Variants in PLCB1 observed in about 807,000 individuals in gnomAD.
PLCB1 encodes phospholipase C beta 1, also known as 1-phosphatidylinositol 4,5-bisphosphate phosphodiesterase beta-1.
Under a neutral mutation model 161.8 loss-of-function variants are expected in PLCB1, and 46 were observed. That is an observed-to-expected ratio of 0.28 (90% CI 0.22 to 0.36). The LOEUF (loss-of-function observed/expected upper bound fraction) is 0.36, where lower values mean the gene tolerates loss of function less well. PLCB1 is among the 10% of genes least tolerant of loss of function. The probability of loss-of-function intolerance (pLI) is 1.00; values close to 1 mark genes in which losing one functional copy is unlikely to be tolerated. For synonymous variants in PLCB1, 517 were observed against 503.7 expected, an observed-to-expected ratio of 1.03 and a Z score of -0.35; for missense variants, 1,016 against 1,472.5, an observed-to-expected ratio of 0.69 and a Z score of 5.07.
chr20:8,237,793 C>T (rs1016074807), intron 2 of PLCB1, among the ~76,000 whole-genome samples: 4 of 151,982 alleles, frequency 2.6e-5, no homozygotes, highest in South Asian at 2.1e-4. Flanking sequence ...TAACTAATTA[C>T]GTAAATGGGA....
intron 1 of PLCB1, among the ~76,000 whole-genome samples, chr20:8,138,157 T>C (rs1466790927): frequency 6.6e-6 from 1 of 152,256 alleles, no homozygotes; most frequent in Non-Finnish European, 1.5e-5. Context: ...TTCTCTCTTA[T>C]CTTGCTTAAC....
chr20:8,457,115 G>A (rs1174032032), intron 3 of PLCB1, among the ~76,000 whole-genome samples: 2 of 152,048 alleles, frequency 1.3e-5, no homozygotes, highest in African/African-American at 4.8e-5. Flanking sequence ...ATTTTTATAT[G>A]CCACCTGCAA....
rs531283582 is a variant in PLCB1 at position 8,347,959 on chromosome 20, G to A, written c.178-23423G>A. ...TGCACTCCAGCCTGGGTGACAGAGCGAGACTCCATCTCAAAAAAAAGAAAA... is the reference window on the plus strand; with the variant it reads ...TGCACTCCAGCCTGGGTGACAGAGCAAGACTCCATCTCAAAAAAAAGAAAA... On this transcript the variant is annotated intron_variant, in intron 2 of 31. Transcript: ENST00000338037. Among the ~76,000 whole-genome samples, 11 of 151,092 alleles carry A rather than the reference G, an allele frequency of 7.3e-5. 1 individual carries two copies. The highest frequency in any genetic ancestry group is 1.5e-4 in the Non-Finnish European group (10 of 67,996).
chr20:8,243,074 T>A (rs1224482025), intron 2 of PLCB1, among the ~76,000 whole-genome samples: 1 of 151,976 alleles, frequency 6.6e-6, no homozygotes, highest in East Asian at 1.9e-4. Context: ...AGGATTTCAC[T>A]CAGCTTCCAG....
At chr20:8,394,348 G>A (rs1987699143) in intron 3 of PLCB1, among the ~76,000 whole-genome samples, 1 of 152,156 alleles carries the variant, frequency 6.6e-6, no homozygotes, top group South Asian at 2.1e-4. Flanking sequence ...AACTTACTTA[G>A]GGAGCAATAA....
intron 3 of PLCB1, among the ~76,000 whole-genome samples, chr20:8,623,203 C>T (rs1208501554): frequency 6.6e-6 from 1 of 152,086 alleles, no homozygotes. Context: ...TCTCTGACTG[C>T]TTCCAAGAAC....
intron 2 of PLCB1, among the ~76,000 whole-genome samples, chr20:8,200,302 C>T (rs1249906373): frequency 2.6e-5 from 4 of 152,008 alleles, no homozygotes; most frequent in South Asian, 4.1e-4. Flanking sequence ...TTAATATTTT[C>T]TTCCAAAAAT....
intron 9 of PLCB1, among the ~76,000 whole-genome samples, chr20:8,662,613 A>G: frequency 6.8e-6 from 1 of 146,852 alleles, no homozygotes; most frequent in South Asian, 2.1e-4. Flanking sequence ...TCTAATATCT[A>G]TAATTAATAT....
intron 4 of PLCB1, among the ~76,000 whole-genome samples, chr20:8,643,852 C>G (rs1989043340): frequency 6.6e-6 from 1 of 151,734 alleles, no homozygotes; most frequent in Admixed American, 6.6e-5. Flanking sequence ...CGAGCCAAAG[C>G]TGGACTGTAC....
intron 2 of PLCB1, among the ~76,000 whole-genome samples, chr20:8,316,948 C>A (rs1266112826): frequency 1.6e-5 from 2 of 124,148 alleles, no homozygotes; most frequent in Admixed American, 9.1e-5. Flanking sequence ...TCTGTCTATA[C>A]CCACCCCCGG....
chr20:8,671,504 T>C (rs538951437), intron 9 of PLCB1, among the ~76,000 whole-genome samples: 2 of 152,276 alleles, frequency 1.3e-5, no homozygotes, highest in South Asian at 4.1e-4. Context: ...GGAAAAGAAT[T>C]TGGACCTTGA....
At chr20:8,193,437 G>A (rs2051991185) in intron 2 of PLCB1, among the ~76,000 whole-genome samples, 1 of 151,676 alleles carries the variant, frequency 6.6e-6, no homozygotes, top group Non-Finnish European at 1.5e-5. Context: ...AAAAAGAGGA[G>A]GAGGAGAAAG....
At chr20:8,793,348 A>C (rs1388678013) in intron 31 of PLCB1, among the ~76,000 whole-genome samples, 1 of 152,248 alleles carries the variant, frequency 6.6e-6, no homozygotes, top group Non-Finnish European at 1.5e-5. Context: ...GCCACAGGTT[A>C]CTGAGGAGAA....
chr20:8,394,082 A>G (rs1178441122), intron 3 of PLCB1, among the ~76,000 whole-genome samples: 2 of 152,134 alleles, frequency 1.3e-5, no homozygotes, highest in Non-Finnish European at 2.9e-5. Context: ...AACCATCAGC[A>G]TTGCCCACAT....
chr20:8,788,154 C>T (rs1983578922), intron 27 of PLCB1, among the ~76,000 whole-genome samples: 1 of 152,176 alleles, frequency 6.6e-6, no homozygotes, highest in South Asian at 2.1e-4. Flanking sequence ...CCAGGTTCTA[C>T]ACTGTAAGTT....
chr20:8,803,358 G>A (rs892941725), intron 31 of PLCB1, among the ~76,000 whole-genome samples: 1 of 151,934 alleles, frequency 6.6e-6, no homozygotes, highest in African/African-American at 2.4e-5. Flanking sequence ...GCACCTGGAA[G>A]AAGCTTGAAG....
chr20:8,147,021 G>A (rs574183822), intron 1 of PLCB1, among the ~76,000 whole-genome samples: 1 of 152,222 alleles, frequency 6.6e-6, no homozygotes, highest in African/African-American at 2.4e-5. Flanking sequence ...CACAAGATAT[G>A]GTTTGCCTGC....
At chr20:8,239,453 A>G (rs924361339) in intron 2 of PLCB1, among the ~76,000 whole-genome samples, 5 of 152,034 alleles carry the variant, frequency 3.3e-5, no homozygotes, top group African/African-American at 4.8e-5. Context: ...GTTTGCAAAT[A>G]AGCCAGTGGT....
intron 2 of PLCB1, among the ~76,000 whole-genome samples, chr20:8,296,879 T>C (rs1983654747): frequency 6.6e-6 from 1 of 152,192 alleles, no homozygotes; most frequent in Non-Finnish European, 1.5e-5. Context: ...AATGACCATA[T>C]GTTTGAGTAA....
Sources: gnomAD v4.1 joint callset for allele counts (sites outside exome capture counted in the v4.1 genomes callset) on GRCh38, gnomAD v4.1.1 for gene constraint, MANE v1.5 for transcripts, NCBI Gene and HGNC (gene_info 2026-07-23, HGNC 2026-07-21) for gene names.